Variants in USH2A observed in about 807,000 individuals in gnomAD.
USH2A encodes usherin.
In USH2A, 443 loss-of-function variants were observed where a neutral mutation model predicts 538.9. That is an observed-to-expected ratio of 0.82 (90% confidence interval 0.76 to 0.89). The LOEUF is 0.89. Ranked by LOEUF, USH2A falls within the 40% of genes least tolerant of loss-of-function variation. USH2A has a pLI of 0.00. For missense variants in USH2A, 6,633 were observed against 6,324.8 expected, an observed-to-expected ratio of 1.05 and a Z score of -1.65; for synonymous variants, 2,413 against 2,273.5, an observed-to-expected ratio of 1.06 and a Z score of -1.75.
chr1:215,706,890 T>C (rs933965242), intron 61 of USH2A, among the ~76,000 whole-genome samples: 5 of 152,222 alleles, frequency 3.3e-5, no homozygotes, highest in Admixed American at 2.0e-4. Flanking sequence ...CTTTTATTTG[T>C]GTTTTAAATG....
intron 9 of USH2A, among the ~76,000 whole-genome samples, chr1:216,319,132 A>G (rs2037561510): frequency 6.6e-6 from 1 of 152,140 alleles, no homozygotes; most frequent in African/African-American, 2.4e-5. Context: ...TGCTAAATTC[A>G]TCCCAAAGCA....
chr1:216,162,741 A>G (rs1403725867), intron 21 of USH2A, among the ~76,000 whole-genome samples: 2 of 152,024 alleles, frequency 1.3e-5, no homozygotes, highest in African/African-American at 4.8e-5. Flanking sequence ...AGCTCAGAGT[A>G]TTCACCAAGG....
intron 69 of USH2A, among the ~76,000 whole-genome samples, chr1:215,637,393 C>T (rs753021086): frequency 4.6e-5 from 7 of 152,176 alleles, no homozygotes; most frequent in East Asian, 1.9e-4. Flanking sequence ...GATTCCTATG[C>T]GTACTTAACT....
At chr1:215,987,136 T>C (rs111591489) in intron 35 of USH2A, among the ~76,000 whole-genome samples, 1 of 152,354 alleles carries the variant, frequency 6.6e-6, no homozygotes, top group Non-Finnish European at 1.5e-5. Context: ...CATAGTCAGA[T>C]AGCTATGCTG....
chr1:216,148,377 C>G (rs914481691), intron 21 of USH2A, among the ~76,000 whole-genome samples: 1 of 151,938 alleles, frequency 6.6e-6, no homozygotes, highest in African/African-American at 2.4e-5. Flanking sequence ...CTCATTGCCG[C>G]CCTTCTTCCC....
chr1:216,339,113 C>T (rs565350487), intron 4 of USH2A, among the ~76,000 whole-genome samples: 1 of 151,684 alleles, frequency 6.6e-6, no homozygotes, highest in South Asian at 2.1e-4. Context: ...AAAGCTAACT[C>T]TCCACATGGA....
At chr1:216,075,251 C>G (rs1226541010) in intron 27 of USH2A, among the ~76,000 whole-genome samples, 4 of 152,162 alleles carry the variant, frequency 2.6e-5, no homozygotes, top group African/African-American at 9.7e-5. Flanking sequence ...GCTCTTGAAG[C>G]TGCTGAGCTC....
chr1:215,856,920 C>T (rs1177101500), intron 44 of USH2A, among the ~76,000 whole-genome samples: 1 of 150,154 alleles, frequency 6.7e-6, no homozygotes, highest in Admixed American at 6.7e-5. Flanking sequence ...TTTGCAGAAA[C>T]CTTGATGGAA....
intron 3 of USH2A, among the ~76,000 whole-genome samples, chr1:216,387,217 A>G (rs1388432109): frequency 6.6e-6 from 1 of 152,240 alleles, no homozygotes; most frequent in Admixed American, 6.5e-5. Context: ...TTGATAAATA[A>G]ATTGGTTACA....
intron 21 of USH2A, among the ~76,000 whole-genome samples, chr1:216,113,149 A>C (rs1389992953): frequency 1.3e-5 from 2 of 151,528 alleles, no homozygotes; most frequent in Non-Finnish European, 2.9e-5. Flanking sequence ...AAAAAAAAAA[A>C]AAAAAAACAA....
chr1:216,340,304 C>T (rs1057000956), intron 4 of USH2A, among the ~76,000 whole-genome samples: 1 of 151,900 alleles, frequency 6.6e-6, no homozygotes, highest in Non-Finnish European at 1.5e-5. Context: ...AAAGTCGAAT[C>T]CCTGAATAGA....
intron 32 of USH2A, among the ~76,000 whole-genome samples, chr1:216,016,637 T>A (rs1668718653): frequency 6.6e-6 from 1 of 152,174 alleles, no homozygotes; most frequent in South Asian, 2.1e-4. Flanking sequence ...ATACCAGTCA[T>A]CAGTAGTTAC....
chr1:215,724,119 A>G (rs1481096983), intron 61 of USH2A, among the ~76,000 whole-genome samples: 1 of 151,944 alleles, frequency 6.6e-6, no homozygotes, highest in African/African-American at 2.4e-5. Context: ...CTATATCTAT[A>G]TATCTCCTGA....
chr1:216,003,336 G>A (rs1018227626), intron 32 of USH2A, among the ~76,000 whole-genome samples: 2 of 152,114 alleles, frequency 1.3e-5, no homozygotes, highest in South Asian at 4.1e-4. Flanking sequence ...TTAGAAGATA[G>A]CATGTCTTTA....
chr1:216,032,784 CATG>C, intron 32 of USH2A, among the ~76,000 whole-genome samples: 1 of 152,228 alleles, frequency 6.6e-6, no homozygotes, highest in East Asian at 1.9e-4. Flanking sequence ...GATAGCAGCT[CATG>C]ACTGACAGGC....
Position 215,900,870 on chromosome 1 carries a change from C to T in USH2A, c.7336G>A (p.Ala2446Thr). Reference protein sequence around the residue: ...DGVLPPRLSSATPTSLQVVWS... With the variant: ...DGVLPPRLSSTTPTSLQVVWS... ...ACAACCTGAAGACTGGTTGGAGTGG[C>T]AGATGAAAGCCTGGGAGGCAGCACG... is the stretch of plus-strand genomic sequence containing the variant. The change falls in exon 39 of 72, where the codon GCC (alanine) becomes ACC (threonine). Residue 2446 changes from alanine (A) to threonine (T), a missense_variant. Transcript: ENST00000307340. The T allele has an allele frequency of 6.2e-7, 1 of 1,613,572 alleles. No individual in the cohort carries two copies. Among genetic ancestry groups the T allele is most frequent in the Non-Finnish European group, 8.5e-7 (1 of 1,179,720 alleles).
chr1:215,714,439 A>G (rs1659425434), intron 61 of USH2A, among the ~76,000 whole-genome samples: 1 of 152,198 alleles, frequency 6.6e-6, no homozygotes. Context: ...TGCTCTAGTC[A>G]ATAGATTGCT....
At chr1:216,302,994 G>T (rs1052189076) in intron 9 of USH2A, among the ~76,000 whole-genome samples, 1 of 151,928 alleles carries the variant, frequency 6.6e-6, no homozygotes, top group African/African-American at 2.4e-5. Context: ...GGAACCATTT[G>T]CATGAGAGGC....
At chr1:216,020,267 A>G (rs921965876) in intron 32 of USH2A, among the ~76,000 whole-genome samples, 2 of 152,206 alleles carry the variant, frequency 1.3e-5, no homozygotes, top group African/African-American at 4.8e-5. Context: ...TCAAACACCA[A>G]TCTAAATGTT....
Sources: allele counts gnomAD v4.1 joint callset (sites outside exome capture counted in the v4.1 genomes callset), GRCh38; gene constraint gnomAD v4.1.1; transcripts MANE v1.5; gene names NCBI Gene and HGNC (gene_info 2026-07-23, HGNC 2026-07-21).